Variants in C6orf136 observed in about 807,000 individuals in gnomAD.
The protein encoded by C6orf136 is uncharacterized protein C6orf136.
C6orf136 carries 29 observed loss-of-function variants against 44.0 expected under a neutral mutation model. The observed-to-expected ratio is 0.66, with a 90% CI of 0.49 to 0.90. C6orf136 has a LOEUF of 0.90. Ranked by LOEUF, C6orf136 falls within the 40% of genes least tolerant of loss-of-function variation. The probability of loss-of-function intolerance (pLI) is 0.00; values close to 1 mark genes in which losing one functional copy is unlikely to be tolerated. For synonymous variants in C6orf136, 293 were observed against 278.6 expected, an observed-to-expected ratio of 1.05 and a Z score of -0.52; for missense variants, 628 against 669.3, an observed-to-expected ratio of 0.94 and a Z score of 0.68.
At chr6:30,650,623 AAAT>A (rs1767315453) in intron 2 of C6orf136, among the ~76,000 whole-genome samples, 2 of 152,118 alleles carry the variant, frequency 1.3e-5, no homozygotes, top group South Asian at 4.2e-4. Context: ...TCTCTACTAA[AAAT>A]ACAAAAATTA....
In C6orf136 at chr6:30,652,239, TCACACACACACACACACACA is replaced by T. The variant is rs5875269; in HGVS notation, c.1308-384_1308-365del. Among the ~76,000 whole-genome samples, 238 of 142,716 alleles carry T rather than the reference TCACACACACACACACACACA, an allele frequency of 1.7e-3. 2 individuals are homozygous for T. The highest frequency in any genetic ancestry group is 5.8e-3 in the African/African-American group (221 of 38,178). 93.6% of individuals were successfully genotyped at this position (142,716 alleles called of 152,430 possible). On this transcript the variant is annotated intron_variant, in intron 4 of 5. Transcript: ENST00000651131. ...GCCTGGGTGACAGAGTGAAACCCTG[TCACACACACACACACACACA>T]CACACACACACACACACACACACAA...
intron 4 of C6orf136, among the ~76,000 whole-genome samples, chr6:30,651,953 A>C (rs976692449): frequency 6.6e-6 from 1 of 152,136 alleles, no homozygotes; most frequent in Non-Finnish European, 1.5e-5. Context: ...GTAGGTACTC[A>C]AATACTTACT....
In C6orf136 at chr6:30,647,887, T is replaced by C. The variant is rs1400285325; in HGVS notation, c.615+41T>C. The C allele has an allele frequency of 7.6e-6, 11 of 1,439,790 alleles. No homozygotes were observed. Among genetic ancestry groups the C allele is most frequent in the Non-Finnish European group, 9.1e-6 (10 of 1,099,478 alleles). The allele number at this position is 1,439,790 out of a possible 1,614,324, so 89.2% of individuals were successfully genotyped here. On this transcript the variant is annotated intron_variant, in intron 1 of 5. Transcript: ENST00000651131. The surrounding 1 kb of genome is among the most constrained non-coding windows in gnomAD (Gnocchi z 4.8). Reference sequence around the variant, plus strand: ...GCCCGCCTTCCCTGCAGTGAGACGATCCCCTGGGGGGTTCCTTGGGAGCGG... The same window carrying C: ...GCCCGCCTTCCCTGCAGTGAGACGACCCCCTGGGGGGTTCCTTGGGAGCGG...
rs1050439076 is a variant in C6orf136 at position 30,652,968 on chromosome 6, G to A, written c.*53G>A. The A allele has an allele frequency of 2.7e-5, 41 of 1,506,322 alleles. No individual in the cohort carries two copies. The African/African-American group carries it at 5.2e-4, about 19-fold the overall frequency. 93.3% of individuals were successfully genotyped at this position (1,506,322 alleles called of 1,614,324 possible). ...TGAAGACTGCTACGCCCAAGAGAAGGAGGTGGAGGCAGCCAAGAATCTCAG... is the reference window on the plus strand; with the variant it reads ...TGAAGACTGCTACGCCCAAGAGAAGAAGGTGGAGGCAGCCAAGAATCTCAG... On this transcript the variant is annotated 3_prime_UTR_variant, in exon 6 of 6. Transcript: ENST00000651131.
At chr6:30,650,434 G>A (rs949345997) in intron 2 of C6orf136, among the ~76,000 whole-genome samples, 1 of 151,796 alleles carries the variant, frequency 6.6e-6, no homozygotes, top group Non-Finnish European at 1.5e-5. Flanking sequence ...TTGGGTTAAG[G>A]GAGGTTAATC....
Position 30,647,667 on chromosome 6 carries a change from TC to T in C6orf136, c.440del (p.Pro147ArgfsTer190). ...CCCTGCTGCGGCGCCGTCCCGGAGT[TC>T]CCCGGCCCAGACCAGACCCGCGGGG... Reference protein sequence around the residue: ...RSPAAAPSRSSPAQTRPAGRP... With the variant: ...RSPAAAPSRSXPAQTRPAGRP... On this transcript the variant is annotated frameshift_variant, in exon 1 of 6. Coordinates refer to ENST00000651131, the MANE Select transcript of C6orf136 (RefSeq NM_001161376.2). LOFTEE classifies it high-confidence loss of function. The surrounding 1 kb of genome is among the most constrained non-coding windows in gnomAD (Gnocchi z 4.8). 1 of 1,549,900 alleles carries T rather than the reference TC, an allele frequency of 6.5e-7. No individual in the cohort carries two copies. Among genetic ancestry groups the T allele is most frequent in the East Asian group, 2.4e-5 (1 of 40,868 alleles).
chr6:30,649,277 C>T (rs950661366), intron 1 of C6orf136, among the ~76,000 whole-genome samples: 33 of 152,018 alleles, frequency 2.2e-4, no homozygotes, highest in Non-Finnish European at 4.4e-4. Flanking sequence ...GCAGGAAAAT[C>T]ACTTGAACCC....
At position 30,650,891 on chromosome 6, in the gene C6orf136, G is replaced by A. The variant is rs144322948; in HGVS notation, c.1018-103G>A. 5.0e-3 allele frequency: 4,057 copies of A among 810,856 alleles called. 77 individuals are homozygous for A. Among genetic ancestry groups the A allele is most frequent in the Admixed American group, 0.037 (1,632 of 44,550 alleles). The allele number at this position is 810,856 out of a possible 1,614,324, so 50.2% of individuals were successfully genotyped here. The stretch of plus-strand genomic sequence containing the variant: ...TGTACCTCTGTACTCCAGCCTGGGC[G>A]ACAGAGCTAGACTCCGTCTCAAAAA... On this transcript the variant is annotated intron_variant, in intron 2 of 5. Transcript: ENST00000651131.
Position 30,650,994 on chromosome 6 carries a change from C to T in C6orf136, c.1018C>T (p.Leu340Phe). 2 of 1,610,750 alleles carry T rather than the reference C, an allele frequency of 1.2e-6. No homozygotes were observed. Among genetic ancestry groups the T allele is most frequent in the East Asian group, 2.2e-5 (1 of 44,866 alleles). The change falls in exon 3 of 6, where the codon CTT becomes TTT. Residue 340 changes from leucine to phenylalanine, a missense_variant and splice_region_variant. Physicochemically the swap from Leu to Phe is conservative, Grantham distance 22. Around this residue, in one of 2 missense-constraint regions of C6orf136, gnomAD observed 497 missense variants for 469.2 expected, o/e 1.06. Coordinates refer to ENST00000651131, the MANE Select transcript of C6orf136 (RefSeq NM_001161376.2). ...GTTGATGCCATCTTCTTCCACCTAGCTTCCCAAGCTCTTCCTTCAGTCCCA... is the reference window on the plus strand; with the variant it reads ...GTTGATGCCATCTTCTTCCACCTAGTTTCCCAAGCTCTTCCTTCAGTCCCA... ...SVMYERLRQE[L>F]PKLFLQSHDY... is the part of the protein sequence containing the mutation.
Position 30,653,030 on chromosome 6 carries a change from CT to C in C6orf136, c.*118del. The C allele has an allele frequency of 1.8e-6, 2 of 1,139,904 alleles. No individual in the cohort carries two copies. Among genetic ancestry groups the C allele is most frequent in the Non-Finnish European group, 1.3e-6 (1 of 787,168 alleles). The allele number at this position is 1,139,904 out of a possible 1,614,324, so 70.6% of individuals were successfully genotyped here. On this transcript the variant is annotated 3_prime_UTR_variant, in exon 6 of 6. Transcript: ENST00000651131. ...CTCTCCTCGTTTCTCTCCTTCCTTCCTTTCCATCTCATGCTGTGTAAAGCTG... is the reference window on the plus strand; with the variant it reads ...CTCTCCTCGTTTCTCTCCTTCCTTCCTTCCATCTCATGCTGTGTAAAGCTG...
chr6:30,647,396 G>A lies in C6orf136; in HGVS notation c.165G>A (p.Ala55=). 1 of 1,480,092 alleles carries A rather than the reference G, an allele frequency of 6.8e-7. No individual in the cohort carries two copies. The highest frequency in any genetic ancestry group is 1.8e-4 in the Middle Eastern group (1 of 5,496). 91.7% of individuals were successfully genotyped at this position (1,480,092 alleles called of 1,614,324 possible). A position where few individuals can be genotyped will look rare whatever the true frequency, so the allele number is the denominator to read the frequency against. The part of the protein sequence containing the change: ...VRGAERALGS[A]QAQRHPPPLP... ...GGGCGGAGCGCGCGCTGGGTTCCGC[G>A]CAGGCGCAGAGACACCCGCCGCCCC... Residue 55 remains alanine (A), a synonymous_variant, in exon 1 of 6, where the codon GCG becomes GCA. Coordinates refer to ENST00000651131, the MANE Select transcript of C6orf136 (RefSeq NM_001161376.2). This position sits in a 1 kb window ranked among gnomAD's most constrained non-coding sequence, Gnocchi z 4.8.
At position 30,647,759 on chromosome 6, in the gene C6orf136, C is replaced by A; in HGVS notation, c.528C>A (p.Cys176Ter). ...ERSWQEGRPVCTRFGPLRPGW... is the reference protein window; with the variant it reads ...ERSWQEGRPV ...CCTGGCAGGAAGGCCGGCCAGTGTG[C>A]ACCCGGTTCGGGCCCCTGCGCCCGG... The change falls in exon 1 of 6, where the codon TGC (cysteine) becomes TGA (stop). Residue 176 changes from cysteine (C) to a stop codon, truncating the protein, a stop_gained. Coordinates refer to ENST00000651131, the MANE Select transcript of C6orf136 (RefSeq NM_001161376.2). LOFTEE classifies it high-confidence loss of function. This position sits in a 1 kb window ranked among gnomAD's most constrained non-coding sequence, Gnocchi z 4.8. The A allele has an allele frequency of 6.5e-7, 1 of 1,547,838 alleles. No individual in the cohort carries two copies. Among genetic ancestry groups the A allele is most frequent in the South Asian group, 1.2e-5 (1 of 83,940 alleles).
At chr6:30,650,350 G>T (rs1456216370) in intron 2 of C6orf136, among the ~76,000 whole-genome samples, 1 of 146,996 alleles carries the variant, frequency 6.8e-6, no homozygotes, top group Non-Finnish European at 1.5e-5. Context: ...TATCTCCATT[G>T]TACTCCAGCC....
intron 2 of C6orf136, 127 bp from the exon 3 acceptor site, chr6:30,650,867 G>T (rs1347844323): frequency 9.0e-6 from 6 of 663,338 alleles, no homozygotes; most frequent in Admixed American, 2.6e-5. Context: ...AGCTGAGATT[G>T]TACCTCTGTA....
Position 30,652,968 on chromosome 6 carries a change from G to C in C6orf136, c.*53G>C. ...TGAAGACTGCTACGCCCAAGAGAAG[G>C]AGGTGGAGGCAGCCAAGAATCTCAG... On this transcript the variant is annotated 3_prime_UTR_variant, in exon 6 of 6. Coordinates refer to ENST00000651131, the MANE Select transcript of C6orf136 (RefSeq NM_001161376.2). The C allele has an allele frequency of 6.6e-7, 1 of 1,506,440 alleles. No homozygotes were observed. The highest frequency in any genetic ancestry group is 1.1e-5 in the South Asian group (1 of 88,740). The allele number at this position is 1,506,440 out of a possible 1,614,324, so 93.3% of individuals were successfully genotyped here. A position where few individuals can be genotyped will look rare whatever the true frequency, so the allele number is the denominator to read the frequency against.
In C6orf136 at chr6:30,647,992, GCCTTTAACTGTCT is replaced by G; in HGVS notation, c.615+150_615+162del. Reference sequence around the variant, plus strand: ...GGTAAACCCAGGAGAGTGAAGGCCAGCCTTTAACTGTCTCCTGAGGTTGTGTCTGTCATTAGAG... The same window carrying G: ...GGTAAACCCAGGAGAGTGAAGGCCAGCCTGAGGTTGTGTCTGTCATTAGAG... On this transcript the variant is annotated intron_variant, in intron 1 of 5. Transcript: ENST00000651131. The surrounding 1 kb of genome is among the most constrained non-coding windows in gnomAD (Gnocchi z 4.8). The G allele has an allele frequency of 8.2e-7, 1 of 1,216,354 alleles. No individual in the cohort carries two copies. The highest frequency in any genetic ancestry group is 1.1e-6 in the Non-Finnish European group (1 of 913,358). The allele number at this position is 1,216,354 out of a possible 1,614,324, so 75.3% of individuals were successfully genotyped here. A position where few individuals can be genotyped will look rare whatever the true frequency, so the allele number is the denominator to read the frequency against.
chr6:30,647,904 T>C lies in C6orf136; in HGVS notation c.615+58T>C, dbSNP rs956316808. Reference sequence around the variant, plus strand: ...TGAGACGATCCCCTGGGGGGTTCCTTGGGAGCGGAGGGACTCGGGTGAGGC... The same window carrying C: ...TGAGACGATCCCCTGGGGGGTTCCTCGGGAGCGGAGGGACTCGGGTGAGGC... On this transcript the variant is annotated intron_variant, in intron 1 of 5. Transcript: ENST00000651131. This position sits in a 1 kb window ranked among gnomAD's most constrained non-coding sequence, Gnocchi z 4.8. 2 of 1,425,828 alleles carry C rather than the reference T, an allele frequency of 1.4e-6. No homozygotes were observed. The highest frequency in any genetic ancestry group is 9.1e-7 in the Non-Finnish European group (1 of 1,093,896). The allele number at this position is 1,425,828 out of a possible 1,614,324, so 88.3% of individuals were successfully genotyped here. A position where few individuals can be genotyped will look rare whatever the true frequency, so the allele number is the denominator to read the frequency against.
chr6:30,650,102 G>GTTT, intron 2 of C6orf136, 143 bp downstream of exon 2: 1 of 821,584 alleles, frequency 1.2e-6, no homozygotes. Flanking sequence ...CTGAGAAAAT[G>GTTT]ATGTTCCAGC....
rs1767234791 is a variant in C6orf136, at chr6:30,649,776, T to C, written c.834T>C (p.Pro278=). The C allele has an allele frequency of 1.2e-6, 2 of 1,613,942 alleles. No homozygotes were observed. Among genetic ancestry groups the C allele is most frequent in the African/African-American group, 1.3e-5 (1 of 74,908 alleles). ...GAAAGGGGGAGGAGGGACCAGGACCTGAGTTGCATAGCGGCTGCCTGGATG... is the reference window on the plus strand; with the variant it reads ...GAAAGGGGGAGGAGGGACCAGGACCCGAGTTGCATAGCGGCTGCCTGGATG... ...PPGKGEEGPG[P]ELHSGCLDGL... Residue 278 remains proline (P), a synonymous_variant, in exon 2 of 6, where the codon CCT becomes CCC. Coordinates refer to ENST00000651131, the MANE Select transcript of C6orf136 (RefSeq NM_001161376.2).
Sources: allele counts gnomAD v4.1 joint callset (sites outside exome capture counted in the v4.1 genomes callset), GRCh38; gene constraint gnomAD v4.1.1; regional missense constraint gnomAD v4.1.1; non-coding constraint Gnocchi (gnomAD v3.1); transcripts MANE v1.5; gene names NCBI Gene and HGNC (gene_info 2026-07-23, HGNC 2026-07-21).